The following CALN1 variants were observed in gnomAD, a reference collection of about 807,000 sequenced individuals.
CALN1 encodes the protein calcium-binding protein 8.
In CALN1, 17 loss-of-function variants were observed where a neutral mutation model predicts 30.6. The observed-to-expected ratio is 0.56, with a 90% CI of 0.38 to 0.83. The LOEUF (loss-of-function observed/expected upper bound fraction) is 0.83. Ranked by LOEUF, CALN1 falls within the 40% of genes least tolerant of loss-of-function variation. The probability of loss-of-function intolerance (pLI) is 0.00; values close to 1 mark genes in which losing one functional copy is unlikely to be tolerated. For synonymous variants in CALN1, 156 were observed against 131.4 expected, an observed-to-expected ratio of 1.19 and a Z score of -1.28; for missense variants, 291 against 354.9, an observed-to-expected ratio of 0.82 and a Z score of 1.45.
chr7:72,288,794 GT>G (rs1798274745), intron 2 of CALN1, among the ~76,000 whole-genome samples: 1 of 152,032 alleles, frequency 6.6e-6, no homozygotes, highest in African/African-American at 2.4e-5. Context: ...GTCCTTCTAT[GT>G]TATTGTCCAG....
intron 3 of CALN1, among the ~76,000 whole-genome samples, chr7:72,260,865 A>G (rs55681707): frequency 0.075 from 11,476 of 152,216 alleles, 810 homozygotes; most frequent in African/African-American, 0.19. Flanking sequence ...ACCAAATTTT[A>G]TGATCTATCA....
At chr7:72,104,465 T>A (rs1435834715) in intron 4 of CALN1, among the ~76,000 whole-genome samples, 2 of 152,172 alleles carry the variant, frequency 1.3e-5, no homozygotes, top group East Asian at 3.9e-4. Context: ...GGTAAACATG[T>A]GCCATGGTGG....
intron 6 of CALN1, among the ~76,000 whole-genome samples, chr7:71,788,443 G>T (rs1448091611): frequency 6.6e-6 from 1 of 150,952 alleles, no homozygotes; most frequent in East Asian, 1.9e-4. Context: ...TCTACAGTGG[G>T]GTCGTTGGAC....
chr7:72,241,637 C>G (rs1223034648), intron 3 of CALN1, among the ~76,000 whole-genome samples: 1 of 151,808 alleles, frequency 6.6e-6, no homozygotes, highest in African/African-American at 2.4e-5. Context: ...ATCCAGGAGG[C>G]AGAGGTTGCA....
At chr7:71,835,296 T>C (rs1473499309) in intron 5 of CALN1, among the ~76,000 whole-genome samples, 1 of 152,240 alleles carries the variant, frequency 6.6e-6, no homozygotes, top group Non-Finnish European at 1.5e-5. Context: ...CACTTCCTTC[T>C]GTTTGTCTTA....
At chr7:72,415,295 G>A (rs1280261780), upstream of CALN1, among the ~76,000 whole-genome samples, 4 of 152,226 alleles carry the variant, frequency 2.6e-5, no homozygotes, top group Non-Finnish European at 5.9e-5. Context: ...CACTCCAGAT[G>A]CACCTGTATT....
At chr7:71,932,204 A>T (rs1302833566) in intron 5 of CALN1, among the ~76,000 whole-genome samples, 1 of 152,054 alleles carries the variant, frequency 6.6e-6, no homozygotes, top group African/African-American at 2.4e-5. Flanking sequence ...TTATTTATTT[A>T]TGTCATTTCT....
intron 3 of CALN1, among the ~76,000 whole-genome samples, chr7:72,229,678 A>G (rs1215419992): frequency 1.3e-5 from 2 of 152,026 alleles, no homozygotes; most frequent in Non-Finnish European, 2.9e-5. Context: ...CAACTAACAC[A>G]GGAACAGAAA....
intron 6 of CALN1, among the ~76,000 whole-genome samples, chr7:71,794,060 T>A (rs1321825768): frequency 6.6e-6 from 1 of 152,224 alleles, no homozygotes. Context: ...GCTTTTTTTT[T>A]ATGTGCAGAG....
chr7:72,236,373 G>A (rs751141482), intron 3 of CALN1, among the ~76,000 whole-genome samples: 3 of 152,016 alleles, frequency 2.0e-5, no homozygotes, highest in East Asian at 1.9e-4. Context: ...AAGCCCACCC[G>A]CCCTCCGAAT....
intron 1 of CALN1, among the ~76,000 whole-genome samples, chr7:72,425,405 C>A (rs530367771): frequency 6.6e-6 from 1 of 152,200 alleles, no homozygotes; most frequent in African/African-American, 2.4e-5. Flanking sequence ...TGAGCCACCA[C>A]GCTCGGCCTC....
At chr7:72,471,889 C>T in the CALN1 span, among the ~76,000 whole-genome samples, 3 of 152,164 alleles carry the variant, frequency 2.0e-5, no homozygotes, top group Non-Finnish European at 2.9e-5. Flanking sequence ...CAGCCTTAAA[C>T]TCCTGGGTCA....
At chr7:71,798,061 CAGAGAGAG>C (rs147120862) in intron 6 of CALN1, among the ~76,000 whole-genome samples, 1 of 116,876 alleles carries the variant, frequency 8.6e-6, no homozygotes, top group African/African-American at 3.5e-5. Context: ...GAGAGAGAGA[CAGAGAGAG>C]AGAGAGAGAC....
At chr7:72,246,385 C>T (rs777248493) in intron 3 of CALN1, among the ~76,000 whole-genome samples, 1 of 152,118 alleles carries the variant, frequency 6.6e-6, no homozygotes, top group African/African-American at 2.4e-5. Context: ...TCGGGCTCTG[C>T]GGTCTAAGGG....
intron 5 of CALN1, among the ~76,000 whole-genome samples, chr7:71,910,749 C>G (rs916699750): frequency 7.9e-5 from 12 of 152,194 alleles, no homozygotes; most frequent in African/African-American, 2.9e-4. Context: ...TCCAGTCCCC[C>G]TGAAGCTACC....
chr7:72,480,436 A>G, the CALN1 span, among the ~76,000 whole-genome samples: 3 of 152,192 alleles, frequency 2.0e-5, no homozygotes, highest in Admixed American at 1.3e-4. Context: ...TTTTGCATTT[A>G]TATACTTGCG....
At chr7:72,037,058 T>C (rs1801844006) in intron 4 of CALN1, among the ~76,000 whole-genome samples, 1 of 152,142 alleles carries the variant, frequency 6.6e-6, no homozygotes, top group South Asian at 2.1e-4. Context: ...CAGCTCACTG[T>C]AAACTCAAAC....
chr7:72,334,774 T>C, intron 2 of CALN1, among the ~76,000 whole-genome samples: 1 of 152,228 alleles, frequency 6.6e-6, no homozygotes, highest in East Asian at 1.9e-4. Context: ...TCCAAAGAGT[T>C]TTGTTTTCAT....
At chr7:72,383,370 A>T (rs769801854) in intron 2 of CALN1, among the ~76,000 whole-genome samples, 1 of 152,198 alleles carries the variant, frequency 6.6e-6, no homozygotes, top group Non-Finnish European at 1.5e-5. Flanking sequence ...ACTAACTTGC[A>T]TTCCCACCAA....
Sources: allele counts gnomAD v4.1 joint callset (sites outside exome capture counted in the v4.1 genomes callset), GRCh38; gene constraint gnomAD v4.1.1; transcripts MANE v1.5; gene names NCBI Gene and HGNC (gene_info 2026-07-23, HGNC 2026-07-21).